CUBN: variants seen among roughly 807,000 people sequenced by gnomAD.
The protein encoded by CUBN is cubilin.
CUBN carries 282 observed loss-of-function variants against 405.3 expected under a neutral mutation model. That is an observed-to-expected ratio of 0.70 (90% CI 0.63 to 0.77). The LOEUF (loss-of-function observed/expected upper bound fraction) is 0.77. Among genes scored for constraint, CUBN ranks in the 30% least tolerant of loss-of-function variants. CUBN has a pLI of 0.00. For synonymous variants in CUBN, 1,684 were observed against 1,617.0 expected (o/e 1.04, Z -0.99); for missense variants, 4,514 against 4,475.2 (o/e 1.01, Z -0.25).
chr10:17,114,310 C>T, intron 7 of CUBN, 121 bp from the exon 8 acceptor site: 1 of 956,620 alleles, frequency 1.0e-6, no homozygotes, highest in Non-Finnish European at 1.6e-6. Flanking sequence ...AAGGCCAATC[C>T]ACTGGCTTCT....
chr10:17,121,614 T>G (rs1837043836), intron 6 of CUBN, among the ~76,000 whole-genome samples: 1 of 151,402 alleles, frequency 6.6e-6, no homozygotes, highest in East Asian at 1.9e-4. Context: ...AGTTAATGGA[T>G]GCAGCACACC....
intron 59 of CUBN, among the ~76,000 whole-genome samples, chr10:16,860,452 G>A (rs1839981803): frequency 6.6e-6 from 1 of 152,176 alleles, no homozygotes; most frequent in Non-Finnish European, 1.5e-5. Flanking sequence ...AATTATAAAT[G>A]TACATGTGCC....
intron 64 of CUBN, among the ~76,000 whole-genome samples, chr10:16,833,503 C>T (rs1427180921): frequency 2.0e-5 from 3 of 152,264 alleles, no homozygotes; most frequent in Admixed American, 6.5e-5. Context: ...TGATAAAACT[C>T]CGCATCAGGA....
chr10:16,994,060 C>T (rs1833664761), intron 28 of CUBN, among the ~76,000 whole-genome samples: 1 of 152,090 alleles, frequency 6.6e-6, no homozygotes, highest in African/African-American at 2.4e-5. Context: ...TGCAGCACAC[C>T]AACATGGCAT....
At chr10:16,899,228 A>G (rs774176038) in intron 53 of CUBN, 45 bp from the exon 54 acceptor site, 2 of 1,502,418 alleles carry the variant, frequency 1.3e-6, no homozygotes, top group Non-Finnish European at 1.9e-6. Flanking sequence ...CAAGGAAAGT[A>G]ATTTTGGAAA....
intron 10 of CUBN, 46 bp downstream of exon 10, chr10:17,109,594 G>A (rs1836720154): frequency 2.8e-6 from 4 of 1,432,358 alleles, no homozygotes; most frequent in Non-Finnish European, 3.9e-6. Flanking sequence ...TGGTTTAGAA[G>A]GTCATATTAC....
At chr10:17,066,733 A>G (rs1284983254) in intron 21 of CUBN, among the ~76,000 whole-genome samples, 1 of 152,148 alleles carries the variant, frequency 6.6e-6, no homozygotes, top group East Asian at 1.9e-4. Context: ...AAAAGATGAA[A>G]GATTAGGATA....
intron 17 of CUBN, among the ~76,000 whole-genome samples, chr10:17,076,908 G>A (rs539764734): frequency 3.9e-5 from 6 of 152,268 alleles, no homozygotes; most frequent in East Asian, 1.9e-4. Flanking sequence ...AGCCACAGAC[G>A]CTTTTGGTTT....
chr10:17,077,048 C>T (rs941284237), intron 17 of CUBN, among the ~76,000 whole-genome samples: 1 of 152,172 alleles, frequency 6.6e-6, no homozygotes, highest in Non-Finnish European at 1.5e-5. Flanking sequence ...CAGGTGAAGC[C>T]ATGCCGTGAT....
At chr10:16,998,137 G>A (rs1056361244) in intron 28 of CUBN, among the ~76,000 whole-genome samples, 1 of 152,104 alleles carries the variant, frequency 6.6e-6, no homozygotes, top group East Asian at 1.9e-4. Flanking sequence ...GGAGAGGAGA[G>A]AGTTGTCCCT....
chr10:16,848,453 T>C (rs1401743237), intron 60 of CUBN, among the ~76,000 whole-genome samples: 1 of 152,180 alleles, frequency 6.6e-6, no homozygotes, highest in East Asian at 1.9e-4. Flanking sequence ...CTAGTACACA[T>C]AATTTCAATC....
In CUBN at chr10:16,840,449, T is replaced by A; in HGVS notation, c.9913A>T (p.Ile3305Phe). Residue 3305 changes from isoleucine (I) to phenylalanine (F), a missense_variant, in exon 62 of 67, where the codon ATC becomes TTC. By Grantham distance (21) the Ile-to-Phe change is conservative. Around this residue, in one of 5 missense-constraint regions of CUBN, gnomAD observed 1,186 missense variants for 1,186.9 expected, o/e 1.00. Transcript: ENST00000377833. ...GGGGAATCAATGACCCAAGTACAGA[T>A]GGAAAATGGGACATCTGGGTCTGAT... Reference protein sequence around the residue: ...NSSDPDVPFSICTWVIDSPPH... With the variant: ...NSSDPDVPFSFCTWVIDSPPH... 6.2e-7 allele frequency: 1 copy of A among 1,614,028 alleles called. No homozygotes were observed. The highest frequency in any genetic ancestry group is 1.3e-5 in the African/African-American group (1 of 75,020).
At chr10:16,889,941 A>AAAAAAAAAAAAAAAAAAAAAAACAAAAC (rs1197903224) in intron 55 of CUBN, among the ~76,000 whole-genome samples, 1 of 139,132 alleles carries the variant, frequency 7.2e-6, no homozygotes, top group African/African-American at 2.7e-5. Context: ...GTGTCAAAAA[A>AAAAAAAAAAAAAAAAAAAAAAACAAAAC]AAAAAAAAAA....
intron 62 of CUBN, 28 bp from the exon 63 acceptor site, chr10:16,836,410 T>C (rs1839171241): frequency 6.2e-7 from 1 of 1,607,274 alleles, no homozygotes; most frequent in Non-Finnish European, 8.5e-7. Flanking sequence ...CCAAATCATG[T>C]TAGATTTAGT....
chr10:16,858,014 A>G (rs534237545), intron 59 of CUBN, among the ~76,000 whole-genome samples: 1 of 152,300 alleles, frequency 6.6e-6, no homozygotes, highest in Admixed American at 6.5e-5. Context: ...TAATATACTA[A>G]CCATTAACAT....
chr10:17,119,940 T>C (rs923447157), intron 6 of CUBN, among the ~76,000 whole-genome samples: 7 of 152,158 alleles, frequency 4.6e-5, no homozygotes, highest in Non-Finnish European at 1.0e-4. Flanking sequence ...TTTTCAGAGG[T>C]CTTTACAATG....
At chr10:16,966,453 A>T (rs1249566426) in intron 31 of CUBN, among the ~76,000 whole-genome samples, 2 of 147,856 alleles carry the variant, frequency 1.4e-5, no homozygotes, top group Non-Finnish European at 1.5e-5. Context: ...GCTTTACTAC[A>T]TTTTTTTTTT....
intron 59 of CUBN, among the ~76,000 whole-genome samples, chr10:16,865,273 C>G (rs770170241): frequency 5.3e-5 from 8 of 152,016 alleles, no homozygotes; most frequent in Non-Finnish European, 1.2e-4. Context: ...CCCAGCCTAC[C>G]TGAACATATT....
At chr10:16,832,961 G>A (rs1215296421) in intron 64 of CUBN, among the ~76,000 whole-genome samples, 4 of 152,086 alleles carry the variant, frequency 2.6e-5, no homozygotes, top group Non-Finnish European at 4.4e-5. Context: ...AGGCCTAAGC[G>A]GTGGTTTCCT....
Sources: allele counts gnomAD v4.1 joint callset (sites outside exome capture counted in the v4.1 genomes callset), GRCh38; gene constraint gnomAD v4.1.1; regional missense constraint gnomAD v4.1.1; transcripts MANE v1.5; gene names NCBI Gene and HGNC (gene_info 2026-07-23, HGNC 2026-07-21).